Variants in AMZ1 observed in about 807,000 individuals in gnomAD.
The protein encoded by AMZ1 is archaemetzincin-1.
AMZ1 carries 39 observed loss-of-function variants against 29.9 expected under a neutral mutation model. The ratio of observed to expected loss-of-function variants is 1.30; its 90% confidence interval spans 1.01 to 1.70. The LOEUF (loss-of-function observed/expected upper bound fraction) is 1.70, where lower values mean the gene tolerates loss of function less well. AMZ1 is among the 40% of genes most tolerant of loss of function. The pLI, the probability that AMZ1 is intolerant of heterozygous loss-of-function variation, is 0.00. For missense variants in AMZ1, 1,041 were observed against 680.6 expected (o/e 1.53, Z -5.89); for synonymous variants, 458 against 304.0 (o/e 1.51, Z -5.27).
chr7:2,755,194 G>C (rs1791236595), intron 4 of AMZ1, among the ~76,000 whole-genome samples: 1 of 152,204 alleles, frequency 6.6e-6, no homozygotes, highest in African/African-American at 2.4e-5. Flanking sequence ...TGGAATCAGG[G>C]AGAGTGGCCC....
rs749425336 is a variant in AMZ1, at chr7:2,700,569, G to A, written c.118G>A (p.Glu40Lys). Residue 40 changes from glutamate (E) to lysine (K), a missense_variant, in exon 2 of 7, where the codon GAG becomes AAG. Transcript: ENST00000683327. ...QLYVSAFSPA[E>K]RLFLAEAYNP... is the part of the protein sequence containing the mutation. ...GTATGTGTCCGCCTTCTCCCCTGCC[G>A]AGCGGCTCTTCCTGGCCGAGGCCTA... is the stretch of plus-strand genomic sequence containing the variant. 1.7e-5 allele frequency: 27 copies of A among 1,609,912 alleles called. No homozygotes were observed. Among genetic ancestry groups the A allele is most frequent in the Non-Finnish European group, 1.9e-5 (23 of 1,179,956 alleles).
At chr7:2,762,528 T>C, upstream of AMZ1, 2 of 1,163,456 alleles carry the variant, frequency 1.7e-6, no homozygotes, top group Non-Finnish European at 2.4e-6. Context: ...CAAAAGCAGT[T>C]CCACCACGCC....
In AMZ1 at chr7:2,718,634, C is replaced by T. The variant is rs1010992478; in HGVS notation, c.*5756C>T. ...CCGACGCCCCTCTCGGTCAGGCTTT[C>T]AGCAGCAGAAGGCAGTGGACTCTTC... is the stretch of plus-strand genomic sequence containing the variant. On this transcript the variant is annotated 3_prime_UTR_variant, in exon 7 of 7. Coordinates refer to ENST00000683327, the MANE Select transcript of AMZ1 (RefSeq NM_001384743.1). 2.6e-5 allele frequency among the ~76,000 whole-genome samples: 4 copies of T among 152,246 alleles called. No homozygotes were observed. Among genetic ancestry groups the T allele is most frequent in the African/African-American group, 9.6e-5 (4 of 41,472 alleles).
rs747502676 is a variant in AMZ1, at chr7:2,712,846, G to A, written c.1465G>A (p.Ala489Thr). The change falls in exon 7 of 7, where the codon GCC becomes ACC. Residue 489 changes from alanine (A) to threonine (T), a missense_variant. Transcript: ENST00000683327. The part of the protein sequence containing the change: ...SARKLARAES[A>T]PRPWDGEES ...CCGAAAACTCGCCAGAGCAGAGTCG[G>A]CCCCCCGTCCCTGGGATGGGGAAGA... is the stretch of plus-strand genomic sequence containing the variant. The A allele has an allele frequency of 2.0e-5, 31 of 1,525,808 alleles. No homozygotes were observed. Among genetic ancestry groups the A allele is most frequent in the Non-Finnish European group, 2.7e-5 (31 of 1,136,688 alleles). 94.5% of individuals were successfully genotyped at this position (1,525,808 alleles called of 1,614,324 possible).
intron 1 of AMZ1, among the ~76,000 whole-genome samples, chr7:2,696,492 C>G (rs113397442): frequency 6.6e-6 from 1 of 150,758 alleles, no homozygotes; most frequent in Non-Finnish European, 1.5e-5. Flanking sequence ...CTCCTGACCT[C>G]GTGATCTGCC....
intron 3 of AMZ1, among the ~76,000 whole-genome samples, chr7:2,703,731 T>C (rs935981389): frequency 5.9e-5 from 9 of 152,208 alleles, no homozygotes; most frequent in African/African-American, 1.9e-4. Context: ...TTGTCAGTTA[T>C]CACCTCTGCC....
At chr7:2,707,440 G>C (rs1013098937) in intron 3 of AMZ1, among the ~76,000 whole-genome samples, 2 of 152,056 alleles carry the variant, frequency 1.3e-5, no homozygotes, top group Admixed American at 6.6e-5. Context: ...TCCTGGGCCC[G>C]TGGTGGCTGC....
intron 3 of AMZ1, 78 bp downstream of exon 3, chr7:2,702,967 G>T (rs924336285): frequency 2.7e-6 from 4 of 1,457,832 alleles, no homozygotes; most frequent in Non-Finnish European, 3.6e-6. Flanking sequence ...AGGCGCCCAG[G>T]AGAGGAAGGG....
At chr7:2,683,194 G>T (rs1583128835) in intron 1 of AMZ1, among the ~76,000 whole-genome samples, 2 of 152,300 alleles carry the variant, frequency 1.3e-5, no homozygotes, top group Admixed American at 1.3e-4. Context: ...CGTGACAAAT[G>T]ACCACAGCTG....
Position 2,714,360 on chromosome 7 carries a change from G to A in AMZ1, c.*1482G>A, listed in dbSNP as rs1788995361. Reference sequence around the variant, plus strand: ...GCTTCCTTGTGAATCTGACATTGGTGGAGGCCGACTGAAGGCTCCCGGTCC... The same window carrying A: ...GCTTCCTTGTGAATCTGACATTGGTAGAGGCCGACTGAAGGCTCCCGGTCC... On this transcript the variant is annotated 3_prime_UTR_variant, in exon 7 of 7. Coordinates refer to ENST00000683327, the MANE Select transcript of AMZ1 (RefSeq NM_001384743.1). 2 of 152,532 alleles carry A rather than the reference G, an allele frequency of 1.3e-5. 1 individual carries two copies. The highest frequency in any genetic ancestry group is 4.1e-4 in the South Asian group (2 of 4,824). The allele number at this position is 152,532 out of a possible 1,614,324, so 9.4% of individuals were successfully genotyped here.
chr7:2,699,147 C>T (rs1366010190), intron 1 of AMZ1, among the ~76,000 whole-genome samples: 3 of 152,174 alleles, frequency 2.0e-5, no homozygotes, highest in Admixed American at 1.3e-4. Context: ...TTCTGCGAGG[C>T]TTCCCCTGCC....
intron 1 of AMZ1, among the ~76,000 whole-genome samples, chr7:2,682,553 C>T (rs549794698): frequency 1.6e-3 from 247 of 152,306 alleles, no homozygotes; most frequent in African/African-American, 5.7e-3. Context: ...CCCCAAGTCC[C>T]GCAGGCAGTG....
At chr7:2,684,484 G>A (rs1786996048), upstream of AMZ1, among the ~76,000 whole-genome samples, 2 of 152,214 alleles carry the variant, frequency 1.3e-5, no homozygotes, top group South Asian at 4.1e-4. Context: ...ACCCCAAGTC[G>A]GCCTGGGTCA....
In AMZ1 at chr7:2,712,642, G is replaced by C. The variant is rs781447320; in HGVS notation, c.1261G>C (p.Glu421Gln). The change falls in exon 7 of 7, where the codon GAA (glutamate) becomes CAA (glutamine). Residue 421 changes from glutamate (E) to glutamine (Q), a missense_variant. Glu to Gln is a conservative substitution (Grantham distance 29). Coordinates refer to ENST00000683327, the MANE Select transcript of AMZ1 (RefSeq NM_001384743.1). ...LAMCIQALQR[E>Q]VAEEDLVQVD... ...CATGTGCATCCAGGCCCTGCAGCGG[G>C]AAGTGGCAGAGGAGGACCTGGTGCA... is the stretch of plus-strand genomic sequence containing the variant. 1.2e-6 allele frequency: 2 copies of C among 1,613,136 alleles called. No individual in the cohort carries two copies. Among genetic ancestry groups the C allele is most frequent in the South Asian group, 1.1e-5 (1 of 91,072 alleles).
At chr7:2,764,035 G>A (rs1346330634), upstream of AMZ1, among the ~76,000 whole-genome samples, 1 of 152,082 alleles carries the variant, frequency 6.6e-6, no homozygotes, top group Non-Finnish European at 1.5e-5. Flanking sequence ...TCTTCCTAAG[G>A]CTGCTGTGCT....
intron 1 of AMZ1, among the ~76,000 whole-genome samples, chr7:2,693,351 G>T (rs551506621): frequency 6.6e-6 from 1 of 152,206 alleles, no homozygotes; most frequent in East Asian, 1.9e-4. Context: ...AAGGTGCTGG[G>T]ATTACAGGTG....
At chr7:2,709,577 T>G in intron 5 of AMZ1, 63 bp from the exon 6 acceptor site, 5 of 1,563,394 alleles carry the variant, frequency 3.2e-6, no homozygotes, top group Admixed American at 1.9e-5. Context: ...TGGGGCTGCC[T>G]GGGGATCTGC....
At chr7:2,737,264 G>A (rs1790231128) in intron 4 of AMZ1, among the ~76,000 whole-genome samples, 1 of 52,452 alleles carries the variant, frequency 1.9e-5, no homozygotes, top group Non-Finnish European at 4.0e-5. Flanking sequence ...CTATCTCACA[G>A]TTTTGTTTTG....
chr7:2,712,781 T>TG lies in AMZ1; in HGVS notation c.1405dup (p.Asp469GlyfsTer79), dbSNP rs777393016. ...GACAGCGTGGGGCTGCGCAAGGTGC[T>TG]GGGGGACAAGTTCTCCTCCCTGAGG... is the stretch of plus-strand genomic sequence containing the variant. On this transcript the variant is annotated frameshift_variant, in exon 7 of 7. Transcript: ENST00000683327. LOFTEE classifies it low-confidence loss of function (END_TRUNC). The TG allele has an allele frequency of 5.1e-6, 8 of 1,576,266 alleles. No homozygotes were observed. Among genetic ancestry groups the TG allele is most frequent in the Non-Finnish European group, 6.9e-6 (8 of 1,158,912 alleles).
Sources: gnomAD v4.1 joint callset for allele counts (sites outside exome capture counted in the v4.1 genomes callset) on GRCh38, gnomAD v4.1.1 for gene constraint, MANE v1.5 for transcripts, NCBI Gene and HGNC (gene_info 2026-07-23, HGNC 2026-07-21) for gene names.